Variants in SOS1 observed in about 807,000 individuals in gnomAD.
SOS1 encodes son of sevenless homolog 1.
In SOS1, 25 loss-of-function variants were observed where a neutral mutation model predicts 157.6. The ratio of observed to expected loss-of-function variants is 0.16; its 90% confidence interval spans 0.12 to 0.22. The LOEUF is 0.22. Ranked by LOEUF, SOS1 falls within the 10% of genes least tolerant of loss-of-function variation. SOS1 has a pLI of 1.00. For synonymous variants in SOS1, 528 were observed against 534.0 expected (o/e 0.99, Z 0.16); for missense variants, 1,237 against 1,599.1 (o/e 0.77, Z 3.86).
rs757720349 is a variant in SOS1 at position 39,035,467 on chromosome 2, G to C, written c.898C>G (p.Arg300Gly). ...TGAAAACCAGGTCGCAAAATATCTCGAGCATACGATTCATATGGATCAAAT... is the reference window on the plus strand; with the variant it reads ...TGAAAACCAGGTCGCAAAATATCTCCAGCATACGATTCATATGGATCAAAT... ...LAFDPYESYA[R>G]DILRPGFHDR... is the part of the protein sequence containing the mutation. Residue 300 changes from arginine to glycine, a missense_variant, in exon 7 of 23, where the codon CGA (arginine) becomes GGA (glycine). Arg to Gly is a moderately radical substitution (Grantham distance 125). Transcript: ENST00000402219. 2 of 1,613,206 alleles carry C rather than the reference G, an allele frequency of 1.2e-6. No homozygotes were observed. Among genetic ancestry groups the C allele is most frequent in the South Asian group, 1.1e-5 (1 of 91,048 alleles).
intron 22 of SOS1, 65 bp downstream of exon 22, chr2:38,987,408 A>T: frequency 1.2e-6 from 1 of 818,606 alleles, no homozygotes; most frequent in Non-Finnish European, 2.1e-6. Context: ...ACTAAACTAG[A>T]CAGCCGTTTA....
rs1197207402 is a variant in SOS1 at position 38,983,545 on chromosome 2, A to T, written c.*2279T>A. 1 of 146,226 alleles carries T rather than the reference A, an allele frequency of 6.8e-6. No individual in the cohort carries two copies. The highest frequency in any genetic ancestry group is 2.5e-5 in the African/African-American group (1 of 40,518). The allele number at this position is 146,226 out of a possible 1,614,324, so 9.1% of individuals were successfully genotyped here. ...CTCCAAATCTGAATTTTTCCTCTTT[A>T]TAGACTAGATAGGTTGAAAAGGGGT... On this transcript the variant is annotated 3_prime_UTR_variant, in exon 23 of 23. Coordinates refer to ENST00000402219, the MANE Select transcript of SOS1 (RefSeq NM_005633.4).
chr2:39,076,849 A>G (rs1672021810), intron 1 of SOS1, among the ~76,000 whole-genome samples: 1 of 152,340 alleles, frequency 6.6e-6, no homozygotes, highest in Non-Finnish European at 1.5e-5. Context: ...AGGTAATATA[A>G]TTATTCTAAT....
chr2:38,987,774 C>T (rs1668599113), intron 21 of SOS1, 183 bp from the exon 22 acceptor site: 2 of 562,200 alleles, frequency 3.6e-6, no homozygotes, highest in Non-Finnish European at 3.2e-6. Flanking sequence ...AGCATGCAGA[C>T]ATTTTTTAGC....
intron 1 of SOS1, among the ~76,000 whole-genome samples, chr2:39,111,420 G>T (rs868174802): frequency 8.5e-5 from 13 of 152,134 alleles, no homozygotes; most frequent in African/African-American, 2.9e-4. Flanking sequence ...AAATGTTAGG[G>T]TAAAAACTTT....
chr2:39,014,035 G>A (rs1669549930), intron 11 of SOS1, 46 bp from the exon 12 acceptor site: 2 of 1,451,700 alleles, frequency 1.4e-6, no homozygotes, highest in Non-Finnish European at 1.9e-6. Context: ...ATTATATCGA[G>A]TTATACAAAT....
chr2:39,112,539 G>C (rs1673479054), intron 1 of SOS1, among the ~76,000 whole-genome samples: 1 of 152,150 alleles, frequency 6.6e-6, no homozygotes, highest in African/African-American at 2.4e-5. Flanking sequence ...CTGGTTTCAA[G>C]TGATCCTCTC....
At chr2:38,990,511 A>C (rs1177247254) in intron 20 of SOS1, among the ~76,000 whole-genome samples, 1 of 152,186 alleles carries the variant, frequency 6.6e-6, no homozygotes, top group African/African-American at 2.4e-5. Context: ...AGGGAGCCAG[A>C]GATCTGACGT....
In SOS1 at chr2:38,983,693, A is replaced by C. The variant is rs777769481; in HGVS notation, c.*2131T>G. ...ATTAAAAAGAGAAGTAATCCATGAG[A>C]CATAAAAAGAGAAATCTTAGGGACA... On this transcript the variant is annotated 3_prime_UTR_variant, in exon 23 of 23. Transcript: ENST00000402219. The C allele has an allele frequency of 1.2e-4, 19 of 152,184 alleles. No homozygotes were observed. The highest frequency in any genetic ancestry group is 9.2e-4 in the Admixed American group (14 of 15,266). 9.4% of individuals were successfully genotyped at this position (152,184 alleles called of 1,614,324 possible). A position where few individuals can be genotyped will look rare whatever the true frequency, so the allele number is the denominator to read the frequency against.
chr2:39,017,302 G>A lies in SOS1; in HGVS notation c.1859-2456C>T, dbSNP rs531757088. Among the ~76,000 whole-genome samples, 8 of 152,106 alleles carry A rather than the reference G, an allele frequency of 5.3e-5. No homozygotes were observed. In the East Asian group the frequency reaches 1.5e-3, roughly 29 times the overall value. On this transcript the variant is annotated intron_variant, in intron 10 of 22. Coordinates refer to ENST00000402219, the MANE Select transcript of SOS1 (RefSeq NM_005633.4). ...ATCTAAATATAAAGAATTAAACCTT[G>A]AGTTATATAACCACTATAGAAATTT...
intron 8 of SOS1, among the ~76,000 whole-genome samples, chr2:39,030,163 C>G (rs1338491758): frequency 7.0e-6 from 1 of 143,296 alleles, no homozygotes; most frequent in Non-Finnish European, 1.5e-5. Context: ...AAGACTCCAT[C>G]TCAATAAATA....
chr2:39,051,444 G>T, intron 5 of SOS1, 157 bp from the exon 6 acceptor site: 1 of 651,892 alleles, frequency 1.5e-6, no homozygotes, highest in Non-Finnish European at 2.7e-6. Context: ...GACAATTCAA[G>T]AATTCCTTCT....
chr2:39,053,789 G>C (rs1572856841), intron 5 of SOS1, among the ~76,000 whole-genome samples: 1 of 152,106 alleles, frequency 6.6e-6, no homozygotes, highest in South Asian at 2.1e-4. Context: ...CTTTGTCTAA[G>C]TTTCAATGTT....
intron 20 of SOS1, among the ~76,000 whole-genome samples, chr2:38,991,224 GA>G (rs767945307): frequency 0.041 from 5,207 of 127,344 alleles, 121 homozygotes; most frequent in African/African-American, 0.06. Context: ...TTTTTCTATA[GA>G]AAAAAAAAAA....
At chr2:39,018,088 G>T (rs567194974) in intron 10 of SOS1, among the ~76,000 whole-genome samples, 2 of 152,000 alleles carry the variant, frequency 1.3e-5, no homozygotes, top group East Asian at 3.9e-4. Flanking sequence ...AAACCATGTT[G>T]CAGAGAGAGA....
At chr2:39,069,482 C>A (rs1671723195) in intron 1 of SOS1, among the ~76,000 whole-genome samples, 1 of 152,134 alleles carries the variant, frequency 6.6e-6, no homozygotes, top group South Asian at 2.1e-4. Context: ...AGGCAAATAG[C>A]ATTGTAACAA....
chr2:39,115,056 GC>G (rs1464055082), intron 1 of SOS1, among the ~76,000 whole-genome samples: 1 of 151,958 alleles, frequency 6.6e-6, no homozygotes, highest in Non-Finnish European at 1.5e-5. Flanking sequence ...TCTTATGCCA[GC>G]CCTTTTTCAG....
chr2:38,985,141 T>G lies in SOS1; in HGVS notation c.*683A>C, dbSNP rs954225146. The G allele has an allele frequency of 1.3e-5, 2 of 152,264 alleles. 1 individual carries two copies. The highest frequency in any genetic ancestry group is 3.9e-4 in the East Asian group (2 of 5,192). 9.4% of individuals were successfully genotyped at this position (152,264 alleles called of 1,614,324 possible). On this transcript the variant is annotated 3_prime_UTR_variant, in exon 23 of 23. Coordinates refer to ENST00000402219, the MANE Select transcript of SOS1 (RefSeq NM_005633.4). ...GCAACACCACCACATTTTGTTTGGG[T>G]GTGTGGGGACAGGTGGGGGGAATGC...
intron 6 of SOS1, among the ~76,000 whole-genome samples, chr2:39,043,715 A>T (rs1341524221): frequency 6.6e-6 from 1 of 152,196 alleles, no homozygotes; most frequent in Non-Finnish European, 1.5e-5. Context: ...AGGGAACTAC[A>T]GCATGTCAGC....
Sources: allele counts gnomAD v4.1 joint callset (sites outside exome capture counted in the v4.1 genomes callset), GRCh38; gene constraint gnomAD v4.1.1; transcripts MANE v1.5; gene names NCBI Gene and HGNC (gene_info 2026-07-23, HGNC 2026-07-21).